GNAI1: variants seen among roughly 807,000 people sequenced by gnomAD.
GNAI1 encodes the protein guanine nucleotide-binding protein G(i) subunit alpha-1.
Under a neutral mutation model 38.9 loss-of-function variants are expected in GNAI1, and 11 were observed. That is an observed-to-expected ratio of 0.28 (90% CI 0.18 to 0.47). GNAI1 has a LOEUF of 0.47. Among genes scored for constraint, GNAI1 ranks in the 20% least tolerant of loss-of-function variants. GNAI1 has a pLI of 0.99. For missense variants in GNAI1, 317 were observed against 436.9 expected, an observed-to-expected ratio of 0.73 and a Z score of 2.45; for synonymous variants, 166 against 145.1, an observed-to-expected ratio of 1.14 and a Z score of -1.04.
intron 5 of GNAI1, among the ~76,000 whole-genome samples, chr7:80,210,226 ATTGTC>A (rs1188120351): frequency 6.6e-6 from 1 of 152,158 alleles, no homozygotes; most frequent in Non-Finnish European, 1.5e-5. Context: ...GGAATAGACT[ATTGTC>A]TTTATATTGT....
intron 1 of GNAI1, among the ~76,000 whole-genome samples, chr7:80,176,405 G>C (rs1788182586): frequency 6.6e-6 from 1 of 152,212 alleles, no homozygotes; most frequent in Non-Finnish European, 1.5e-5. Flanking sequence ...GGAAGATCTA[G>C]CTAAGATCGT....
intron 1 of GNAI1, among the ~76,000 whole-genome samples, chr7:80,136,699 A>T (rs1023743846): frequency 1.3e-5 from 2 of 152,214 alleles, no homozygotes; most frequent in African/African-American, 4.8e-5. Flanking sequence ...TAGATATGAA[A>T]TAAGAGGATT....
At chr7:80,182,723 A>G (rs1420793716) in intron 1 of GNAI1, among the ~76,000 whole-genome samples, 1 of 150,098 alleles carries the variant, frequency 6.7e-6, no homozygotes, top group Non-Finnish European at 1.5e-5. Flanking sequence ...TGTGATGTAC[A>G]TCTAAGAGAT....
At chr7:80,197,038 T>C (rs1449459157) in intron 3 of GNAI1, among the ~76,000 whole-genome samples, 3 of 151,926 alleles carry the variant, frequency 2.0e-5, no homozygotes, top group African/African-American at 7.2e-5. Context: ...TCATCCCATG[T>C]ATCTGCTACT....
At chr7:80,166,311 A>G (rs186522496) in intron 1 of GNAI1, among the ~76,000 whole-genome samples, 172 of 152,298 alleles carry the variant, frequency 1.1e-3, no homozygotes, top group African/African-American at 3.9e-3. Context: ...ATGAGTGCTC[A>G]TAGACATGCA....
chr7:80,217,173 A>G (rs1422882591), intron 7 of GNAI1, 130 bp from the exon 8 acceptor site: 6 of 183,520 alleles, frequency 3.3e-5, no homozygotes, highest in African/African-American at 2.0e-4. Flanking sequence ...AAGGGAAAGC[A>G]CAGTTAAGGA....
rs1449166631 is a variant in GNAI1, at chr7:80,224,283, A to G, written c.*6790A>G. Among the ~76,000 whole-genome samples the G allele has an allele frequency of 1.3e-5, 2 of 152,148 alleles. No homozygotes were observed. Among genetic ancestry groups the G allele is most frequent in the Non-Finnish European group, 2.9e-5 (2 of 68,030 alleles). On this transcript the variant is annotated 3_prime_UTR_variant, in exon 8 of 8. Transcript: ENST00000649796. Reference sequence around the variant, plus strand: ...CAGAGCAGTCCTGCAATATTGGTAAAATTTCCATTTTCTATATAAGGAAAC... The same window carrying G: ...CAGAGCAGTCCTGCAATATTGGTAAGATTTCCATTTTCTATATAAGGAAAC...
chr7:80,200,590 T>G (rs1788669290), intron 4 of GNAI1, among the ~76,000 whole-genome samples: 1 of 152,090 alleles, frequency 6.6e-6, no homozygotes, highest in Non-Finnish European at 1.5e-5. Flanking sequence ...ATGCATGCAC[T>G]TTGCCACAAT....
At position 80,212,699 on chromosome 7, in the gene GNAI1, AT is replaced by A. The variant is rs778623078; in HGVS notation, c.721-10del. On this transcript the variant is annotated splice_polypyrimidine_tract_variant and intron_variant, in intron 6 of 7. Coordinates refer to ENST00000649796, the MANE Select transcript of GNAI1 (RefSeq NM_002069.6). ...CTTGCTGTTAGTGACGATTGGTTTT[AT>A]TTTTTTCTATTACAGAACCGAATGC... is the stretch of plus-strand genomic sequence containing the variant. The A allele has an allele frequency of 1.6e-5, 23 of 1,452,948 alleles. No homozygotes were observed. In the East Asian group the frequency reaches 4.6e-4, roughly 29 times the overall value. 90.0% of individuals were successfully genotyped at this position (1,452,948 alleles called of 1,614,324 possible). A position where few individuals can be genotyped will look rare whatever the true frequency, so the allele number is the denominator to read the frequency against.
In GNAI1 at chr7:80,135,296, G is replaced by C; in HGVS notation, c.118+18G>C. On this transcript the variant is annotated intron_variant, in intron 1 of 7. Coordinates refer to ENST00000649796, the MANE Select transcript of GNAI1 (RefSeq NM_002069.6). ...GCTGCTCGGTAAGGGCGGCCGGGTC[G>C]GGGCCCGGGGGTCGGCGGGGGACCG... is the stretch of plus-strand genomic sequence containing the variant. 1.5e-6 allele frequency: 2 copies of C among 1,362,176 alleles called. No homozygotes were observed. The highest frequency in any genetic ancestry group is 1.6e-5 in the South Asian group (1 of 61,420). 84.4% of individuals were successfully genotyped at this position (1,362,176 alleles called of 1,614,324 possible). A position where few individuals can be genotyped will look rare whatever the true frequency, so the allele number is the denominator to read the frequency against.
chr7:80,225,617 A>C lies in GNAI1; in HGVS notation c.*8124A>C, dbSNP rs1789146480. 6.6e-6 allele frequency among the ~76,000 whole-genome samples: 1 copy of C among 152,164 alleles called. No homozygotes were observed. Among genetic ancestry groups the C allele is most frequent in the Non-Finnish European group, 1.5e-5 (1 of 68,032 alleles). On this transcript the variant is annotated 3_prime_UTR_variant, in exon 8 of 8. Transcript: ENST00000649796. ...CCCTGGAGTGTGGAGGAGGACAGGA[A>C]TTTGCTATCTGCAGGACTTAAATCA... is the stretch of plus-strand genomic sequence containing the variant.
rs767486291 is a variant in GNAI1, at chr7:80,203,855, ATTTC to A, written c.590+25_590+28del. The A allele has an allele frequency of 1.4e-5, 19 of 1,339,828 alleles. No individual in the cohort carries two copies. The African/African-American group carries it at 2.8e-4, about 20-fold the overall frequency. The allele number at this position is 1,339,828 out of a possible 1,614,324, so 83.0% of individuals were successfully genotyped here. A position where few individuals can be genotyped will look rare whatever the true frequency, so the allele number is the denominator to read the frequency against. On this transcript the variant is annotated intron_variant, in intron 5 of 7. Coordinates refer to ENST00000649796, the MANE Select transcript of GNAI1 (RefSeq NM_002069.6). ...TAAGTGAGTAGCTTTGAAATATATG[ATTTC>A]TAAATTTAGATAAAAACACATTGCT...
At chr7:80,206,939 G>A (rs1015420678) in intron 5 of GNAI1, among the ~76,000 whole-genome samples, 1 of 152,032 alleles carries the variant, frequency 6.6e-6, no homozygotes, top group African/African-American at 2.4e-5. Context: ...TTGGACCTTG[G>A]TTGACCACAG....
At chr7:80,183,763 C>T (rs774824300) in intron 1 of GNAI1, among the ~76,000 whole-genome samples, 1 of 152,146 alleles carries the variant, frequency 6.6e-6, no homozygotes, top group African/African-American at 2.4e-5. Context: ...CACTGTTTGA[C>T]TATCACATTG....
chr7:80,210,176 T>G (rs969921600), intron 5 of GNAI1, among the ~76,000 whole-genome samples: 7 of 152,214 alleles, frequency 4.6e-5, no homozygotes, highest in Non-Finnish European at 1.0e-4. Flanking sequence ...TATGCAAATT[T>G]TAACTTTTGC....
At chr7:80,185,419 C>T (rs1320563357) in intron 1 of GNAI1, among the ~76,000 whole-genome samples, 2 of 152,258 alleles carry the variant, frequency 1.3e-5, no homozygotes, top group Admixed American at 6.5e-5. Context: ...TCCAATTTAA[C>T]AGCTGAGGCC....
At chr7:80,167,948 G>T (rs1251559539) in intron 1 of GNAI1, among the ~76,000 whole-genome samples, 1 of 152,172 alleles carries the variant, frequency 6.6e-6, no homozygotes, top group Admixed American at 6.5e-5. Context: ...CAAAATATAG[G>T]TCATTAGCAA....
intron 3 of GNAI1, among the ~76,000 whole-genome samples, chr7:80,195,052 TA>T (rs1788544218): frequency 6.6e-6 from 1 of 152,038 alleles, no homozygotes; most frequent in Non-Finnish European, 1.5e-5. Flanking sequence ...TGTGTGCTTC[TA>T]ATACAGTATT....
chr7:80,182,172 A>G (rs1226606636), intron 1 of GNAI1, among the ~76,000 whole-genome samples: 2 of 152,170 alleles, frequency 1.3e-5, no homozygotes, highest in Non-Finnish European at 2.9e-5. Context: ...ACTATCACGA[A>G]TGACAGGATT....
Sources: gnomAD v4.1 joint callset for allele counts (sites outside exome capture counted in the v4.1 genomes callset) on GRCh38, gnomAD v4.1.1 for gene constraint, MANE v1.5 for transcripts, NCBI Gene and HGNC (gene_info 2026-07-23, HGNC 2026-07-21) for gene names.